TNRC6C: variants seen among roughly 807,000 people sequenced by gnomAD.
The protein encoded by TNRC6C is trinucleotide repeat containing adaptor 6C.
A neutral mutation model predicts 153.7 loss-of-function variants in TNRC6C; 20 were observed. That is an observed-to-expected ratio of 0.13 (90% CI 0.09 to 0.19). TNRC6C has a LOEUF of 0.19. Among genes scored for constraint, TNRC6C ranks in the 10% least tolerant of loss-of-function variants. The pLI, the probability that TNRC6C is intolerant of heterozygous loss-of-function variation, is 1.00. For synonymous variants in TNRC6C, 811 were observed against 841.4 expected (o/e 0.96, Z 0.63); for missense variants, 1,987 against 2,172.0 (o/e 0.91, Z 1.69).
At chr17:78,011,631 G>A (rs2071633295) in intron 1 of TNRC6C, among the ~76,000 whole-genome samples, 1 of 152,150 alleles carries the variant, frequency 6.6e-6, no homozygotes, top group African/African-American at 2.4e-5. Flanking sequence ...ATTGAGTAAA[G>A]CTTCTTTTAA....
At chr17:78,003,460 A>G (rs1240575139), upstream of TNRC6C, among the ~76,000 whole-genome samples, 1 of 152,212 alleles carries the variant, frequency 6.6e-6, no homozygotes, top group Non-Finnish European at 1.5e-5. Flanking sequence ...TCAAGAGCAC[A>G]AGAAGGTTAA....
At chr17:78,038,237 G>A (rs778714458) in intron 2 of TNRC6C, among the ~76,000 whole-genome samples, 2 of 152,202 alleles carry the variant, frequency 1.3e-5, no homozygotes, top group African/African-American at 2.4e-5. Flanking sequence ...CATGTTTACA[G>A]TGTAAATAGC....
chr17:78,074,487 G>A (rs1293703337), intron 7 of TNRC6C, among the ~76,000 whole-genome samples: 1 of 152,250 alleles, frequency 6.6e-6, no homozygotes, highest in Non-Finnish European at 1.5e-5. Flanking sequence ...GCCAGGGCGG[G>A]ACAGAGCAGC....
chr17:78,079,337 CA>C lies in TNRC6C; in HGVS notation c.3211-55del. 1 of 1,590,980 alleles carries C rather than the reference CA, an allele frequency of 6.3e-7. No homozygotes were observed. The highest frequency in any genetic ancestry group is 1.1e-5 in the South Asian group (1 of 89,916). ...GAAATAGATCATTTCACCCTACCTC[CA>C]AACAATGTTACTCTAATGCCTGCCT... On this transcript the variant is annotated intron_variant, in intron 9 of 19. Coordinates refer to ENST00000301624, the Ensembl canonical transcript of TNRC6C. This position sits in a 1 kb window ranked among gnomAD's most constrained non-coding sequence, Gnocchi z 4.3.
chr17:78,075,378 C>CTATAA lies in TNRC6C; in HGVS notation c.3060+103_3060+107dup. Reference sequence around the variant, plus strand: ...CAAGCCAGATTAAAAACTTGCTGGACTATAATACTTAAGTGACTTTTATCC... The same window carrying CTATAA: ...CAAGCCAGATTAAAAACTTGCTGGACTATAATATAATACTTAAGTGACTTTTATCC... On this transcript the variant is annotated intron_variant, in intron 8 of 19. Transcript: ENST00000301624. The surrounding 1 kb of genome is among the most constrained non-coding windows in gnomAD (Gnocchi z 4.2). The CTATAA allele has an allele frequency of 7.3e-7, 1 of 1,366,846 alleles. No individual in the cohort carries two copies. The highest frequency in any genetic ancestry group is 9.8e-7 in the Non-Finnish European group (1 of 1,017,206). The allele number at this position is 1,366,846 out of a possible 1,614,324, so 84.7% of individuals were successfully genotyped here.
upstream of TNRC6C, among the ~76,000 whole-genome samples, chr17:78,002,919 G>T (rs2071434881): frequency 6.6e-6 from 1 of 152,066 alleles, no homozygotes; most frequent in Non-Finnish European, 1.5e-5. Flanking sequence ...GAAAAGAAGT[G>T]ATTAAAATAG....
chr17:77,995,234 G>A (rs2071310280), intron 1 of TNRC6C, among the ~76,000 whole-genome samples: 2 of 152,220 alleles, frequency 1.3e-5, no homozygotes, highest in Non-Finnish European at 1.5e-5. Context: ...CTATGATGCT[G>A]TGTTGACGGA....
At chr17:77,979,408 AAG>A (rs1028401357) in intron 1 of TNRC6C, among the ~76,000 whole-genome samples, 149 of 152,340 alleles carry the variant, frequency 9.8e-4, no homozygotes, top group African/African-American at 3.4e-3. Context: ...AAAAATTAAA[AAG>A]AACTTTTAAA....
upstream of TNRC6C, among the ~76,000 whole-genome samples, chr17:78,001,617 A>C (rs570758673): frequency 3.3e-5 from 5 of 152,370 alleles, no homozygotes; most frequent in Non-Finnish European, 2.9e-5. Flanking sequence ...GTATTGAATG[A>C]GAAAAGCAAG....
At chr17:78,062,836 C>G (rs76803261) in intron 3 of TNRC6C, among the ~76,000 whole-genome samples, 1,880 of 152,198 alleles carry the variant, frequency 0.012, 35 homozygotes, top group African/African-American at 0.043. Flanking sequence ...TAGGACTTCC[C>G]AAAAACTTAA....
chr17:77,992,832 A>G (rs2071272452), intron 1 of TNRC6C, among the ~76,000 whole-genome samples: 1 of 152,216 alleles, frequency 6.6e-6, no homozygotes, highest in African/African-American at 2.4e-5. Context: ...GAGAATCCGT[A>G]AAGGACAGAG....
intron 17 of TNRC6C, among the ~76,000 whole-genome samples, chr17:78,100,718 T>C (rs2073575196): frequency 6.6e-6 from 1 of 152,024 alleles, no homozygotes; most frequent in African/African-American, 2.4e-5. Flanking sequence ...TCCTCGTTAC[T>C]TAGGCAAATT....
At chr17:78,056,184 G>A (rs2072650665) in intron 3 of TNRC6C, among the ~76,000 whole-genome samples, 1 of 150,118 alleles carries the variant, frequency 6.7e-6, no homozygotes, top group Admixed American at 6.6e-5. Context: ...TTGAGGCAGA[G>A]TCTTACTCTG....
chr17:78,030,952 A>G (rs1332058703), intron 1 of TNRC6C, among the ~76,000 whole-genome samples: 5 of 152,024 alleles, frequency 3.3e-5, no homozygotes, highest in Non-Finnish European at 7.4e-5. Context: ...TATAAAAAGT[A>G]TCTGGGCTTG....
intron 1 of TNRC6C, among the ~76,000 whole-genome samples, chr17:77,991,281 A>G (rs905293908): frequency 2.6e-5 from 4 of 152,260 alleles, no homozygotes; most frequent in East Asian, 3.9e-4. Flanking sequence ...CACAAACCCA[A>G]ATTTGTATGT....
chr17:77,995,054 A>G (rs2071307366), intron 1 of TNRC6C, among the ~76,000 whole-genome samples: 1 of 152,242 alleles, frequency 6.6e-6, no homozygotes. Context: ...ACTGTCAAGA[A>G]TTGTTAACTG....
intron 1 of TNRC6C, among the ~76,000 whole-genome samples, chr17:78,014,713 C>T (rs2071696721): frequency 6.6e-6 from 1 of 151,068 alleles, no homozygotes; most frequent in Non-Finnish European, 1.5e-5. Context: ...CTCTGAACGG[C>T]ATTTCTCATT....
At chr17:78,031,096 G>A (rs757678769) in intron 1 of TNRC6C, among the ~76,000 whole-genome samples, 1 of 151,736 alleles carries the variant, frequency 6.6e-6, no homozygotes, top group Admixed American at 6.6e-5. Flanking sequence ...GTGAGACACT[G>A]TCTCACACTT....
exon 20 of TNRC6C, chr17:78,107,184 C>CT (rs1407281921): frequency 6.6e-6 from 1 of 152,166 alleles, no homozygotes; most frequent in African/African-American, 2.4e-5. Flanking sequence ...TGTAGAAAAA[C>CT]TGTTGTTTTA....
Sources: gnomAD v4.1 joint callset for allele counts (sites outside exome capture counted in the v4.1 genomes callset) on GRCh38, gnomAD v4.1.1 for gene constraint, Gnocchi (gnomAD v3.1) non-coding constraint, MANE v1.5 for transcripts, NCBI Gene and HGNC (gene_info 2026-07-23, HGNC 2026-07-21) for gene names.